MAD1L1: variants seen among roughly 807,000 people sequenced by gnomAD.
The protein encoded by MAD1L1 is mitotic spindle assembly checkpoint protein MAD1.
Under a neutral mutation model 96.9 loss-of-function variants are expected in MAD1L1, and 95 were observed. The ratio of observed to expected loss-of-function variants is 0.98; its 90% CI spans 0.83 to 1.16. The LOEUF (loss-of-function observed/expected upper bound fraction) is 1.16. MAD1L1 is among the 50% of genes most tolerant of loss of function. The pLI, the probability that MAD1L1 is intolerant of heterozygous loss-of-function variation, is 0.00. For missense variants in MAD1L1, 1,007 were observed against 954.4 expected, an observed-to-expected ratio of 1.06 and a Z score of -0.73; for synonymous variants, 473 against 396.6, an observed-to-expected ratio of 1.19 and a Z score of -2.29.
chr7:2,219,261 C>A, intron 6 of MAD1L1, 71 bp downstream of exon 6: 2 of 1,415,788 alleles, frequency 1.4e-6, no homozygotes, highest in Non-Finnish European at 1.9e-6. Flanking sequence ...CACCCAGCCA[C>A]CAGGAGAGAG....
intron 12 of MAD1L1, among the ~76,000 whole-genome samples, chr7:2,022,746 A>G (rs1050294477): frequency 6.6e-6 from 1 of 152,232 alleles, no homozygotes; most frequent in Non-Finnish European, 1.5e-5. Context: ...AATGATCTAA[A>G]CACACCAATT....
chr7:1,952,682 AG>A (rs1779554209), intron 16 of MAD1L1, among the ~76,000 whole-genome samples: 3 of 152,162 alleles, frequency 2.0e-5, no homozygotes, highest in Non-Finnish European at 4.4e-5. Context: ...CCTGCCTCCC[AG>A]GAAAAGTCCA....
At chr7:2,179,429 G>A (rs1055849539) in intron 10 of MAD1L1, among the ~76,000 whole-genome samples, 2 of 151,354 alleles carry the variant, frequency 1.3e-5, no homozygotes, top group African/African-American at 4.9e-5. Flanking sequence ...TCAGGAGGCT[G>A]AGGCAGGAGA....
intron 7 of MAD1L1, among the ~76,000 whole-genome samples, 186 bp from the exon 8 acceptor site, chr7:2,216,473 T>G (rs1487989049): frequency 6.6e-6 from 1 of 152,156 alleles, no homozygotes; most frequent in African/African-American, 2.4e-5. Flanking sequence ...GAGGCAGGGA[T>G]TGACTGGGGG....
chr7:2,148,842 G>A (rs180864301), intron 11 of MAD1L1, among the ~76,000 whole-genome samples: 29 of 152,272 alleles, frequency 1.9e-4, no homozygotes, highest in African/African-American at 4.6e-4. Flanking sequence ...CAACCCTGCT[G>A]GGAAGACAAG....
At chr7:2,009,737 G>C (rs1043574495) in intron 13 of MAD1L1, among the ~76,000 whole-genome samples, 5 of 152,236 alleles carry the variant, frequency 3.3e-5, no homozygotes, top group African/African-American at 1.2e-4. Flanking sequence ...CCCAGGCCCT[G>C]GGGGATGCTC....
At chr7:1,892,614 T>A (rs1444603650) in intron 18 of MAD1L1, among the ~76,000 whole-genome samples, 6 of 152,230 alleles carry the variant, frequency 3.9e-5, no homozygotes, top group Admixed American at 3.9e-4. Flanking sequence ...TTTGGAACAT[T>A]CCCGACTTCA....
intron 18 of MAD1L1, among the ~76,000 whole-genome samples, chr7:1,842,546 C>T (rs899466255): frequency 1.3e-5 from 2 of 152,284 alleles, no homozygotes; most frequent in African/African-American, 4.8e-5. Context: ...CTCACTGGCC[C>T]CCCAGGCCTG....
At chr7:2,100,952 G>A (rs1298218367) in intron 11 of MAD1L1, among the ~76,000 whole-genome samples, 1 of 152,196 alleles carries the variant, frequency 6.6e-6, no homozygotes. Flanking sequence ...TGTTAAAGTC[G>A]TATCATTTCT....
At chr7:2,157,412 G>A (rs899561872) in intron 10 of MAD1L1, among the ~76,000 whole-genome samples, 4 of 152,128 alleles carry the variant, frequency 2.6e-5, no homozygotes, top group South Asian at 4.1e-4. Context: ...GTAAGAACCC[G>A]CAAAAACTAA....
chr7:1,931,859 T>TA (rs1789499874), intron 17 of MAD1L1, among the ~76,000 whole-genome samples: 1 of 152,252 alleles, frequency 6.6e-6, no homozygotes, highest in Non-Finnish European at 1.5e-5. Flanking sequence ...CTCAGCCTTC[T>TA]AGGTGCTCAT....
intron 15 of MAD1L1, among the ~76,000 whole-genome samples, chr7:1,975,502 G>T (rs1181096977): frequency 1.3e-5 from 2 of 152,188 alleles, no homozygotes; most frequent in South Asian, 2.1e-4. Context: ...TGAGCTCAAA[G>T]ATCAACCCAC....
Position 1,904,059 on chromosome 7 carries a change from T to G in MAD1L1, c.1808-5669A>C, listed in dbSNP as rs1366094853. 2.4e-5 allele frequency among the ~76,000 whole-genome samples: 3 copies of G among 122,998 alleles called. 1 individual carries two copies. Among genetic ancestry groups the G allele is most frequent in the Non-Finnish European group, 5.4e-5 (3 of 55,128 alleles). 80.7% of individuals were successfully genotyped at this position (122,998 alleles called of 152,430 possible). ...GAACTCATGATTGATGAAGCACTGTTCCAGGCAGCGAGGATGCAGTGGCCT... is the reference window on the plus strand; with the variant it reads ...GAACTCATGATTGATGAAGCACTGTGCCAGGCAGCGAGGATGCAGTGGCCT... On this transcript the variant is annotated intron_variant, in intron 17 of 18. Coordinates refer to ENST00000265854, the MANE Select transcript of MAD1L1 (RefSeq NM_001013836.2).
In MAD1L1 at chr7:2,207,902, T is replaced by C. The variant is rs149632382; in HGVS notation, c.986+5310A>G. 1.8e-3 allele frequency among the ~76,000 whole-genome samples: 276 copies of C among 152,134 alleles called. 2 individuals are homozygous for C. Among genetic ancestry groups the C allele is most frequent in the Admixed American group, 5.4e-3 (82 of 15,284 alleles). ...ATGTGTGGGACTGGGCCCTGACCCATTGGAAGCTGATGGAACTCCAGGTGG... is the reference window on the plus strand; with the variant it reads ...ATGTGTGGGACTGGGCCCTGACCCACTGGAAGCTGATGGAACTCCAGGTGG... On this transcript the variant is annotated intron_variant, in intron 10 of 18. Coordinates refer to ENST00000265854, the MANE Select transcript of MAD1L1 (RefSeq NM_001013836.2).
chr7:2,218,539 G>A (rs568161175), intron 6 of MAD1L1, among the ~76,000 whole-genome samples: 8 of 152,230 alleles, frequency 5.3e-5, no homozygotes, highest in African/African-American at 1.7e-4. Flanking sequence ...TCTGTGCCTC[G>A]GCTCAGCCCT....
At chr7:2,104,308 G>A (rs1479913169) in intron 11 of MAD1L1, among the ~76,000 whole-genome samples, 2 of 152,244 alleles carry the variant, frequency 1.3e-5, no homozygotes, top group Admixed American at 6.5e-5. Flanking sequence ...ATGAGGCCCC[G>A]GAGAGAAAAC....
intron 17 of MAD1L1, among the ~76,000 whole-genome samples, chr7:1,931,613 CGA>C (rs1184551228): frequency 6.6e-6 from 1 of 152,194 alleles, no homozygotes; most frequent in Non-Finnish European, 1.5e-5. Flanking sequence ...GCTGACTTCC[CGA>C]GAGACAGCGA....
At chr7:1,858,708 TAC>T (rs1784378584) in intron 18 of MAD1L1, among the ~76,000 whole-genome samples, 1 of 152,126 alleles carries the variant, frequency 6.6e-6, no homozygotes, top group Non-Finnish European at 1.5e-5. Context: ...ACGCATGGGC[TAC>T]ACAGACACGA....
intron 6 of MAD1L1, 92 bp from the exon 7 acceptor site, chr7:2,218,135 A>G (rs1793392562): frequency 1.1e-6 from 1 of 934,038 alleles, no homozygotes; most frequent in Non-Finnish European, 1.7e-6. Context: ...GCACAGACCC[A>G]CATACGTTCA....
Sources: gnomAD v4.1 joint callset for allele counts (sites outside exome capture counted in the v4.1 genomes callset) on GRCh38, gnomAD v4.1.1 for gene constraint, MANE v1.5 for transcripts, NCBI Gene and HGNC (gene_info 2026-07-23, HGNC 2026-07-21) for gene names.